The following TEAD4 variants were observed in gnomAD, a reference collection of about 807,000 sequenced individuals.
TEAD4 encodes TEA domain transcription factor 4.
TEAD4 carries 36 observed loss-of-function variants against 52.4 expected under a neutral mutation model. The ratio of observed to expected loss-of-function variants is 0.69; its 90% CI spans 0.53 to 0.91. The LOEUF is 0.91. Ranked by LOEUF, TEAD4 falls within the 40% of genes least tolerant of loss-of-function variation. The pLI is 0.00. For synonymous variants in TEAD4, 220 were observed against 231.0 expected (o/e 0.95, Z 0.43); for missense variants, 508 against 583.9 (o/e 0.87, Z 1.34).
intron 10 of TEAD4, among the ~76,000 whole-genome samples, chr12:3,028,933 A>G (rs2098273734): frequency 6.6e-6 from 1 of 152,016 alleles, no homozygotes; most frequent in African/African-American, 2.4e-5. Context: ...CCCCAACCCC[A>G]TTGCCCATTT....
chr12:3,035,482 C>G (rs148268650), intron 10 of TEAD4, among the ~76,000 whole-genome samples: 102 of 152,284 alleles, frequency 6.7e-4, no homozygotes, highest in African/African-American at 2.4e-3. Flanking sequence ...TTTTTAGGAA[C>G]AGTCTGACAA....
At position 2,959,685 on chromosome 12, in the gene TEAD4, C is replaced by A; in HGVS notation, c.-123+204C>A. On this transcript the variant is annotated intron_variant, in intron 1 of 12. Transcript: ENST00000359864. This position sits in a 1 kb window ranked among gnomAD's most constrained non-coding sequence, Gnocchi z 5.1. ...CGCTCCGGCGCTGCTCGCTGCCCCT[C>A]TCCCGCTTCCCTCCTGTCCGCCCCG... 1 of 152,332 alleles carries A rather than the reference C, an allele frequency of 6.6e-6. No individual in the cohort carries two copies. The allele number at this position is 152,332 out of a possible 1,614,324, so 9.4% of individuals were successfully genotyped here.
At chr12:3,023,624 TA>T (rs768450059) in intron 10 of TEAD4, among the ~76,000 whole-genome samples, 572 of 131,998 alleles carry the variant, frequency 4.3e-3, no homozygotes, top group African/African-American at 5.9e-3. Flanking sequence ...TATCTCTACT[TA>T]AAAAAAAAAA....
At chr12:2,961,684 C>G (rs1296812247) in intron 2 of TEAD4, among the ~76,000 whole-genome samples, 1 of 152,064 alleles carries the variant, frequency 6.6e-6, no homozygotes, top group African/African-American at 2.4e-5. Context: ...GTCTGCAGAG[C>G]CCCCACCCAG....
At chr12:2,961,568 G>T (rs1481096745) in intron 2 of TEAD4, among the ~76,000 whole-genome samples, 1 of 152,080 alleles carries the variant, frequency 6.6e-6, no homozygotes, top group Non-Finnish European at 1.5e-5. Context: ...GCAGACCAGG[G>T]TACAAATCCT....
At chr12:2,966,881 A>AT (rs895095319) in intron 2 of TEAD4, among the ~76,000 whole-genome samples, 5 of 151,990 alleles carry the variant, frequency 3.3e-5, no homozygotes, top group Admixed American at 3.3e-4. Flanking sequence ...TAATTTTTGT[A>AT]TTTTTAGTAG....
At chr12:3,007,089 C>A (rs750590647) in intron 3 of TEAD4, among the ~76,000 whole-genome samples, 4 of 152,164 alleles carry the variant, frequency 2.6e-5, no homozygotes, top group Non-Finnish European at 5.9e-5. Context: ...TCCTGTCCCG[C>A]CCCATTACTA....
At chr12:3,011,521 C>G (rs1371437844) in intron 4 of TEAD4, among the ~76,000 whole-genome samples, 2 of 149,836 alleles carry the variant, frequency 1.3e-5, no homozygotes, top group African/African-American at 2.5e-5. Context: ...CGTGAGCCAC[C>G]ACCCCCGGCC....
At chr12:3,018,520 G>T (rs1288955977) in intron 6 of TEAD4, 25 bp from the exon 7 acceptor site, 1 of 1,614,032 alleles carries the variant, frequency 6.2e-7, no homozygotes, top group Non-Finnish European at 8.5e-7. Context: ...GGGCCGTGCT[G>T]ATTCCATGCC....
chr12:3,016,604 GAA>G (rs375115024), intron 5 of TEAD4, among the ~76,000 whole-genome samples: 7 of 129,538 alleles, frequency 5.4e-5, no homozygotes, highest in Admixed American at 8.1e-5. Context: ...CCTGTCTCTG[GAA>G]AAAAAAAAAA....
intron 2 of TEAD4, among the ~76,000 whole-genome samples, chr12:2,966,749 T>C (rs1040078058): frequency 2.1e-5 from 3 of 146,074 alleles, no homozygotes; most frequent in South Asian, 2.2e-4. Context: ...CCCTATTGCC[T>C]AGGCCGGAGT....
chr12:3,032,420 G>A (rs1456999077), intron 10 of TEAD4, among the ~76,000 whole-genome samples: 1 of 152,204 alleles, frequency 6.6e-6, no homozygotes, highest in Non-Finnish European at 1.5e-5. Context: ...GGAGCCGCTG[G>A]ACAGGGGGCT....
At chr12:2,963,977 A>G (rs1170362153) in intron 2 of TEAD4, among the ~76,000 whole-genome samples, 1 of 151,802 alleles carries the variant, frequency 6.6e-6, no homozygotes, top group Non-Finnish European at 1.5e-5. Flanking sequence ...GGGGCAGGAA[A>G]TGGGAACTGT....
At chr12:3,037,914 C>T (rs3741951) in intron 10 of TEAD4, 54 bp from the exon 11 acceptor site, 378,350 of 1,575,022 alleles carry the variant, frequency 0.24, 50,602 homozygotes, top group African/African-American at 0.55. Context: ...TTGATGCTCC[C>T]GTCTGACATG....
At chr12:3,032,469 G>A (rs114617906) in intron 10 of TEAD4, among the ~76,000 whole-genome samples, 1,533 of 152,336 alleles carry the variant, frequency 0.01, 28 homozygotes, top group African/African-American at 0.034. Context: ...GATGTGTCAT[G>A]GCAGGGCACG....
intron 10 of TEAD4, among the ~76,000 whole-genome samples, chr12:3,037,199 G>A (rs189407911): frequency 1.3e-5 from 2 of 152,160 alleles, no homozygotes; most frequent in African/African-American, 2.4e-5. Context: ...GAGCCAGGCC[G>A]GGGACCAAGA....
chr12:3,023,025 C>T (rs1341612103), intron 10 of TEAD4, among the ~76,000 whole-genome samples: 1 of 152,220 alleles, frequency 6.6e-6, no homozygotes, highest in East Asian at 1.9e-4. Flanking sequence ...AGATGGCTTG[C>T]CGGCTCCCGG....
At position 3,000,537 on chromosome 12, in the gene TEAD4, C is replaced by A. The variant is rs117636212; in HGVS notation, c.226+5545C>A. 2.0e-4 allele frequency among the ~76,000 whole-genome samples: 30 copies of A among 152,254 alleles called. No homozygotes were observed. The East Asian group carries it at 4.3e-3, about 22-fold the overall frequency. On this transcript the variant is annotated intron_variant, in intron 3 of 12. Transcript: ENST00000359864. Reference sequence around the variant, plus strand: ...CTCATTAATCCCTGCGTGGATTAATCCATCGTGAAGGCAGTGCCTTCAGGG... The same window carrying A: ...CTCATTAATCCCTGCGTGGATTAATACATCGTGAAGGCAGTGCCTTCAGGG...
intron 10 of TEAD4, among the ~76,000 whole-genome samples, chr12:3,026,265 T>C (rs2098272039): frequency 6.6e-6 from 1 of 152,272 alleles, no homozygotes; most frequent in Non-Finnish European, 1.5e-5. Context: ...GTCTGTTTTC[T>C]TAGCGATTTC....
Sources: gnomAD v4.1 joint callset for allele counts (sites outside exome capture counted in the v4.1 genomes callset) on GRCh38, gnomAD v4.1.1 for gene constraint, Gnocchi (gnomAD v3.1) non-coding constraint, MANE v1.5 for transcripts, NCBI Gene and HGNC (gene_info 2026-07-23, HGNC 2026-07-21) for gene names.